The following RHPN2 variants were observed in gnomAD, a reference collection of about 807,000 sequenced individuals.
RHPN2 encodes rhophilin Rho GTPase binding protein 2, also known as rhophilin-2.
A neutral mutation model predicts 79.0 loss-of-function variants in RHPN2; 40 were observed. The observed-to-expected ratio is 0.51, with a 90% CI of 0.39 to 0.66. The LOEUF (loss-of-function observed/expected upper bound fraction) is 0.66. Ranked by LOEUF, RHPN2 falls within the 30% of genes least tolerant of loss-of-function variation. RHPN2 has a pLI of 0.00. For missense variants in RHPN2, 686 were observed against 883.5 expected (o/e 0.78, Z 2.83); for synonymous variants, 285 against 363.5 (o/e 0.78, Z 2.46).
At chr19:32,983,055 TACACACACACACAC>T (rs57230466) in intron 14 of RHPN2, among the ~76,000 whole-genome samples, 1,659 of 103,472 alleles carry the variant, frequency 0.016, 31 homozygotes, top group African/African-American at 0.044. Flanking sequence ...CCCAGATCTC[TACACACACACACAC>T]ACACACACAC....
rs552969661 is a variant in RHPN2 at position 32,990,684 on chromosome 19, T to C, written c.1645-15A>G. 250 of 1,613,912 alleles carry C rather than the reference T, an allele frequency of 1.5e-4. No individual in the cohort carries two copies. The highest frequency in any genetic ancestry group is 2.0e-4 in the Non-Finnish European group (241 of 1,179,820). Reference sequence around the variant, plus strand: ...GCTCCTGCCACCTGAAAAAGTATTGTTGAAATTAAGTCAACGTTTTGTTCA... The same window carrying C: ...GCTCCTGCCACCTGAAAAAGTATTGCTGAAATTAAGTCAACGTTTTGTTCA... On this transcript the variant is annotated splice_polypyrimidine_tract_variant and intron_variant, in intron 13 of 14. Coordinates refer to ENST00000254260, the MANE Select transcript of RHPN2 (RefSeq NM_033103.5).
At chr19:33,018,158 T>A (rs937118378) in intron 4 of RHPN2, among the ~76,000 whole-genome samples, 2 of 147,918 alleles carry the variant, frequency 1.4e-5, no homozygotes, top group Non-Finnish European at 3.0e-5. Context: ...ATCTCAAAAA[T>A]ATATATATAC....
At chr19:33,036,887 T>C (rs11879039) in intron 2 of RHPN2, among the ~76,000 whole-genome samples, 75,922 of 147,668 alleles carry the variant, frequency 0.51, 23,065 homozygotes, top group African/African-American at 0.84. Flanking sequence ...CGCCACCCTC[T>C]GTGGGCTCCT....
chr19:32,996,408 C>A lies in RHPN2; in HGVS notation c.1226-188G>T, dbSNP rs868381693. On this transcript the variant is annotated intron_variant, in intron 10 of 14. Coordinates refer to ENST00000254260, the MANE Select transcript of RHPN2 (RefSeq NM_033103.5). The stretch of plus-strand genomic sequence containing the variant: ...CCTAGCAGAGAGAGCCGGACAGACT[C>A]CATTTTAGTTTCTTCACTTGCAGCC... 1.2e-5 allele frequency: 8 copies of A among 648,766 alleles called. No homozygotes were observed. The Middle Eastern group carries it at 2.1e-3, about 168-fold the overall frequency. The allele number at this position is 648,766 out of a possible 1,614,324, so 40.2% of individuals were successfully genotyped here. A position where few individuals can be genotyped will look rare whatever the true frequency, so the allele number is the denominator to read the frequency against.
rs766987678 is a variant in RHPN2 at position 32,996,176 on chromosome 19, C to A, written c.1270G>T (p.Val424Leu). ...TTCTTGCAGAGGCTGGCCTCCCGCA[C>A]CGACTCCTCGTGATGAGCCATGGCT... ...RRAMAHHEES[V>L]REASLCKKLR... is the part of the protein sequence containing the mutation. The change falls in exon 11 of 15, where the codon GTG becomes TTG. Residue 424 changes from valine (V) to leucine (L), a missense_variant. Transcript: ENST00000254260. 6.2e-7 allele frequency: 1 copy of A among 1,614,172 alleles called. No individual in the cohort carries two copies. The highest frequency in any genetic ancestry group is 1.7e-5 in the Admixed American group (1 of 60,014).
intron 1 of RHPN2, 144 bp downstream of exon 1, chr19:33,064,640 G>A (rs911273708): frequency 7.7e-6 from 5 of 650,998 alleles, no homozygotes; most frequent in African/African-American, 6.0e-5. Flanking sequence ...GCCAGCCTCC[G>A]TCCGGCCAGC....
chr19:33,058,245 G>A (rs1972250193), intron 1 of RHPN2, among the ~76,000 whole-genome samples: 1 of 152,216 alleles, frequency 6.6e-6, no homozygotes, highest in African/African-American at 2.4e-5. Flanking sequence ...GCACTGCTCA[G>A]CACTCCAGGA....
intron 2 of RHPN2, among the ~76,000 whole-genome samples, chr19:33,032,016 CTTTTTTTT>C (rs34807523): frequency 9.8e-5 from 9 of 91,386 alleles, no homozygotes; most frequent in South Asian, 3.6e-4. Context: ...CCGGGCCGGT[CTTTTTTTT>C]TTTTTTTTTT....
intron 11 of RHPN2, among the ~76,000 whole-genome samples, chr19:32,995,239 A>T (rs1169899866): frequency 1.3e-5 from 2 of 149,694 alleles, no homozygotes; most frequent in African/African-American, 2.5e-5. Flanking sequence ...CACCTGATGA[A>T]TTTTTTTTTT....
At chr19:33,049,381 C>A (rs573971994) in intron 1 of RHPN2, among the ~76,000 whole-genome samples, 2 of 152,238 alleles carry the variant, frequency 1.3e-5, no homozygotes, top group East Asian at 3.9e-4. Flanking sequence ...TAGCCCTGAA[C>A]AAACAGCTTC....
intron 3 of RHPN2, among the ~76,000 whole-genome samples, chr19:33,024,535 T>G (rs1318815886): frequency 6.6e-6 from 1 of 152,130 alleles, no homozygotes; most frequent in Admixed American, 6.6e-5. Context: ...TTTCACACAC[T>G]GACGCCTCCC....
At chr19:33,006,528 G>A (rs1765794884) in intron 7 of RHPN2, among the ~76,000 whole-genome samples, 1 of 152,324 alleles carries the variant, frequency 6.6e-6, no homozygotes, top group African/African-American at 2.4e-5. Context: ...ACGGGTGGAA[G>A]GGGATCACAC....
chr19:33,001,220 G>C (rs961439185), intron 9 of RHPN2, among the ~76,000 whole-genome samples: 3 of 152,132 alleles, frequency 2.0e-5, no homozygotes, highest in African/African-American at 7.2e-5. Flanking sequence ...TTGGGAGGCT[G>C]CCTGGATTAG....
chr19:33,043,784 C>CG (rs1156835203), intron 2 of RHPN2, among the ~76,000 whole-genome samples: 3 of 152,110 alleles, frequency 2.0e-5, no homozygotes, highest in Non-Finnish European at 1.5e-5. Context: ...CCCTAGATCA[C>CG]GGGGGTGTAC....
At chr19:33,047,640 C>T (rs1042695269) in intron 1 of RHPN2, among the ~76,000 whole-genome samples, 1 of 152,178 alleles carries the variant, frequency 6.6e-6, no homozygotes, top group Non-Finnish European at 1.5e-5. Flanking sequence ...CTGGCCTCTC[C>T]GACCTCTGCC....
intron 14 of RHPN2, among the ~76,000 whole-genome samples, chr19:32,987,280 C>T (rs1857569083): frequency 6.6e-6 from 1 of 152,154 alleles, no homozygotes; most frequent in Admixed American, 6.6e-5. Context: ...CCTTATGACC[C>T]TTCAGCAGTC....
At chr19:33,015,973 C>T (rs1426818662) in intron 4 of RHPN2, among the ~76,000 whole-genome samples, 1 of 152,078 alleles carries the variant, frequency 6.6e-6, no homozygotes, top group Non-Finnish European at 1.5e-5. Context: ...TCACTTGGAC[C>T]TGGGGGGCAG....
intron 4 of RHPN2, 74 bp downstream of exon 4, chr19:33,021,497 C>G: frequency 1.6e-6 from 2 of 1,222,142 alleles, no homozygotes; most frequent in Middle Eastern, 1.9e-4. Context: ...ACTGGGACTA[C>G]AGGCATGCGC....
At chr19:33,011,936 CG>C in intron 5 of RHPN2, 133 bp from the exon 6 acceptor site, 1 of 1,167,682 alleles carries the variant, frequency 8.6e-7, no homozygotes, top group Non-Finnish European at 1.2e-6. Flanking sequence ...CTACTGGCAT[CG>C]TAAACTCTGG....
Sources: gnomAD v4.1 joint callset for allele counts (sites outside exome capture counted in the v4.1 genomes callset) on GRCh38, gnomAD v4.1.1 for gene constraint, MANE v1.5 for transcripts, NCBI Gene and HGNC (gene_info 2026-07-23, HGNC 2026-07-21) for gene names.